CPAMD8: variants seen among roughly 807,000 people sequenced by gnomAD.
CPAMD8 encodes C3 and PZP-like alpha-2-macroglobulin domain-containing protein 8.
Under a neutral mutation model 224.7 loss-of-function variants are expected in CPAMD8, and 146 were observed. The ratio of observed to expected loss-of-function variants is 0.65; its 90% CI spans 0.57 to 0.75. The LOEUF (loss-of-function observed/expected upper bound fraction) is 0.75, where lower values mean the gene tolerates loss of function less well. Ranked by LOEUF, CPAMD8 falls within the 30% of genes least tolerant of loss-of-function variation. CPAMD8 has a pLI of 0.00. For synonymous variants in CPAMD8, 966 were observed against 1,044.6 expected, an observed-to-expected ratio of 0.92 and a Z score of 1.45; for missense variants, 2,301 against 2,537.5, an observed-to-expected ratio of 0.91 and a Z score of 2.00.
At chr19:17,013,307 A>C (rs2056714055) in intron 3 of CPAMD8, 1 of 152,100 alleles carries the variant, frequency 6.6e-6, no homozygotes, top group African/African-American at 2.4e-5. Flanking sequence ...CCAGAAGTTC[A>C]AGACCAGCCC....
rs1460625993 is a variant in CPAMD8 at position 16,906,801 on chromosome 19, C to G, written c.4027+151G>C. ...CTCTGCTCACTGCAATCTCCGCCTCCCGGGTTCAAGCGATTCTCCTGCCTC... is the reference window on the plus strand; with the variant it reads ...CTCTGCTCACTGCAATCTCCGCCTCGCGGGTTCAAGCGATTCTCCTGCCTC... On this transcript the variant is annotated intron_variant, in intron 30 of 41. Coordinates refer to ENST00000443236, the MANE Select transcript of CPAMD8 (RefSeq NM_015692.5). 5.2e-6 allele frequency: 4 copies of G among 771,776 alleles called. No homozygotes were observed. In the East Asian group the frequency reaches 1.1e-4, roughly 22 times the overall value. The allele number at this position is 771,776 out of a possible 1,614,324, so 47.8% of individuals were successfully genotyped here.
At chr19:16,974,174 C>G (rs1332931528) in intron 17 of CPAMD8, among the ~76,000 whole-genome samples, 1 of 151,966 alleles carries the variant, frequency 6.6e-6, no homozygotes, top group Admixed American at 6.6e-5. Context: ...CTCTGTCGCC[C>G]AGGCTGGAGT....
At chr19:16,976,484 G>GA (rs903414951) in intron 15 of CPAMD8, among the ~76,000 whole-genome samples, 4 of 151,802 alleles carry the variant, frequency 2.6e-5, no homozygotes, top group Non-Finnish European at 4.4e-5. Flanking sequence ...TTCAAACAAT[G>GA]AAAAAAAGAA....
chr19:17,026,420 A>G, intron 1 of CPAMD8, 131 bp downstream of exon 1: 1 of 1,032,256 alleles, frequency 9.7e-7, no homozygotes, highest in Non-Finnish European at 1.3e-6. Flanking sequence ...CGATTCGGGA[A>G]CAAGAGGCCA....
chr19:16,920,213 C>T (rs2053115948), intron 27 of CPAMD8, among the ~76,000 whole-genome samples: 1 of 152,236 alleles, frequency 6.6e-6, no homozygotes, highest in Admixed American at 6.5e-5. Context: ...TGCGCGGTGG[C>T]TCACGCCTGT....
chr19:16,991,906 T>C (rs527402233), intron 12 of CPAMD8, among the ~76,000 whole-genome samples: 1 of 151,132 alleles, frequency 6.6e-6, no homozygotes, highest in African/African-American at 2.4e-5. Flanking sequence ...AGCTGTGCTG[T>C]GTGTTGAGCA....
rs1316853108 is a variant in CPAMD8 at position 16,907,061 on chromosome 19, CA to C, written c.3917del (p.Leu1306ArgfsTer10). 50 of 1,602,900 alleles carry C rather than the reference CA, an allele frequency of 3.1e-5. No homozygotes were observed. Among genetic ancestry groups the C allele is most frequent in the Non-Finnish European group, 4.2e-5 (49 of 1,174,576 alleles). On this transcript the variant is annotated frameshift_variant, in exon 30 of 42. Transcript: ENST00000443236. LOFTEE classifies it high-confidence loss of function. ...GGGCACAGCTATAAGGGTCCATGGC[CA>C]GGGGCGCAGCAGACTCCAGGAAGTG... ...ARHFLESAAP[L>X]AMDPYSCALT...
chr19:16,901,739 G>T (rs575085930), intron 35 of CPAMD8, among the ~76,000 whole-genome samples: 4 of 152,160 alleles, frequency 2.6e-5, no homozygotes, highest in Non-Finnish European at 4.4e-5. Flanking sequence ...GTGGGGCGGG[G>T]AGGGAGGTAA....
chr19:16,959,076 G>A (rs768106567), intron 18 of CPAMD8, among the ~76,000 whole-genome samples: 4 of 151,822 alleles, frequency 2.6e-5, no homozygotes, highest in Non-Finnish European at 5.9e-5. Context: ...TGGAATTACA[G>A]GCATGAGCCA....
At chr19:16,919,730 T>A (rs1026477379) in intron 27 of CPAMD8, among the ~76,000 whole-genome samples, 9 of 152,208 alleles carry the variant, frequency 5.9e-5, no homozygotes, top group African/African-American at 2.2e-4. Context: ...TGTTCCTTTT[T>A]CCCCCAGGAT....
chr19:16,975,763 C>T (rs1465787191), intron 16 of CPAMD8, among the ~76,000 whole-genome samples: 1 of 152,076 alleles, frequency 6.6e-6, no homozygotes, highest in Non-Finnish European at 1.5e-5. Flanking sequence ...GAGACCTGGC[C>T]CAATGTCATG....
At chr19:16,937,189 T>C (rs909985824) in intron 23 of CPAMD8, among the ~76,000 whole-genome samples, 5 of 150,696 alleles carry the variant, frequency 3.3e-5, no homozygotes, top group African/African-American at 1.2e-4. Context: ...GGCTGGAGTG[T>C]AGTGGTACAA....
intron 13 of CPAMD8, among the ~76,000 whole-genome samples, chr19:16,982,897 C>T (rs2055565569): frequency 6.6e-6 from 1 of 152,124 alleles, no homozygotes; most frequent in Non-Finnish European, 1.5e-5. Flanking sequence ...CTGGGAGGGA[C>T]CCAGTGGGAG....
intron 7 of CPAMD8, among the ~76,000 whole-genome samples, chr19:17,005,851 T>C (rs1337508918): frequency 1.3e-5 from 2 of 152,148 alleles, no homozygotes; most frequent in East Asian, 3.9e-4. Context: ...CGGGGATGTG[T>C]GTCCTGAGCA....
At chr19:16,906,309 C>T (rs1360375354) in intron 30 of CPAMD8, among the ~76,000 whole-genome samples, 1 of 140,084 alleles carries the variant, frequency 7.1e-6, no homozygotes, top group Non-Finnish European at 1.5e-5. Context: ...CCCTCTCTCT[C>T]TTCTCTCCCT....
chr19:16,918,907 A>G (rs951489696), intron 27 of CPAMD8, among the ~76,000 whole-genome samples: 1 of 152,236 alleles, frequency 6.6e-6, no homozygotes, highest in Middle Eastern at 3.4e-3. Context: ...GGTTGGCACT[A>G]AAAGCATCTT....
At chr19:16,988,291 G>A (rs930790154) in intron 13 of CPAMD8, among the ~76,000 whole-genome samples, 5 of 152,034 alleles carry the variant, frequency 3.3e-5, no homozygotes, top group Non-Finnish European at 7.4e-5. Context: ...TCAGCCCTGG[G>A]CCACAGCCTA....
intron 29 of CPAMD8, among the ~76,000 whole-genome samples, chr19:16,912,986 A>G (rs1319955474): frequency 6.6e-6 from 1 of 152,288 alleles, no homozygotes; most frequent in Admixed American, 6.5e-5. Context: ...GGAATTCTAT[A>G]CCCAGCCCAG....
chr19:16,968,959 G>A (rs1169801425), intron 18 of CPAMD8, among the ~76,000 whole-genome samples: 2 of 152,150 alleles, frequency 1.3e-5, no homozygotes, highest in Non-Finnish European at 2.9e-5. Context: ...TTTAAGATGA[G>A]AAAGACTGAA....
Sources: gnomAD v4.1 joint callset for allele counts (sites outside exome capture counted in the v4.1 genomes callset) on GRCh38, gnomAD v4.1.1 for gene constraint, MANE v1.5 for transcripts, NCBI Gene and HGNC (gene_info 2026-07-23, HGNC 2026-07-21) for gene names.